SGCD: variants seen among roughly 807,000 people sequenced by gnomAD.
SGCD encodes the protein delta-sarcoglycan.
In SGCD, 18 loss-of-function variants were observed where a neutral mutation model predicts 36.6. That is an observed-to-expected ratio of 0.49 (90% CI 0.34 to 0.73). SGCD has a LOEUF of 0.73. SGCD is among the 30% of genes least tolerant of loss of function. The pLI is 0.01. For synonymous variants in SGCD, 133 were observed against 130.6 expected, an observed-to-expected ratio of 1.02 and a Z score of -0.12; for missense variants, 387 against 346.7, an observed-to-expected ratio of 1.12 and a Z score of -0.92.
intron 7 of SGCD, among the ~76,000 whole-genome samples, chr5:156,650,442 G>A (rs573415196): frequency 4.6e-4 from 70 of 152,164 alleles, no homozygotes; most frequent in Non-Finnish European, 7.8e-4. Context: ...CGTCACCCAG[G>A]TAGTAAGAGT....
rs554072957 is a variant in SGCD, at chr5:156,380,757, A to G, written c.192+36080A>G. ...AATCTCTCAAGATTTTTTTGTGTGAAGCAAGAGAATTGATATCAAGTGTGT... is the reference window on the plus strand; with the variant it reads ...AATCTCTCAAGATTTTTTTGTGTGAGGCAAGAGAATTGATATCAAGTGTGT... On this transcript the variant is annotated intron_variant, in intron 3 of 8. Coordinates refer to ENST00000337851, the MANE Select transcript of SGCD (RefSeq NM_000337.6). Among the ~76,000 whole-genome samples the G allele has an allele frequency of 3.0e-4, 46 of 152,314 alleles. No individual in the cohort carries two copies. In the South Asian group the frequency reaches 8.1e-3, roughly 27 times the overall value.
intron 4 of SGCD, among the ~76,000 whole-genome samples, chr5:156,553,291 A>G (rs1383198158): frequency 6.6e-6 from 1 of 152,196 alleles, no homozygotes; most frequent in African/African-American, 2.4e-5. Flanking sequence ...TTTAGAGGGA[A>G]CAAACATTCA....
At chr5:156,070,002 G>T (rs901348369) in intron 1 of SGCD, among the ~76,000 whole-genome samples, 2 of 152,000 alleles carry the variant, frequency 1.3e-5, no homozygotes, top group East Asian at 1.9e-4. Context: ...GTTTACCAAA[G>T]TTGCTTATCA....
the SGCD span, among the ~76,000 whole-genome samples, chr5:155,785,806 G>A: frequency 6.6e-6 from 1 of 152,162 alleles, no homozygotes; most frequent in Non-Finnish European, 1.5e-5. Context: ...TATATAAAGA[G>A]CAAGGTAAGT....
rs142933328 is a variant in SGCD at position 156,403,425 on chromosome 5, A to G, written c.192+58748A>G. On this transcript the variant is annotated intron_variant, in intron 3 of 8. Transcript: ENST00000337851. The stretch of plus-strand genomic sequence containing the variant: ...AGTTCTAATCTCAACTCTGCTCCAT[A>G]TTGTGTGGCAGCCCCAGGCAGGTAA... Among the ~76,000 whole-genome samples the G allele has an allele frequency of 4.0e-4, 61 of 152,172 alleles. 1 individual carries two copies. In the East Asian group the frequency reaches 0.011, roughly 28 times the overall value.
chr5:156,500,358 A>G (rs910864120), intron 3 of SGCD, among the ~76,000 whole-genome samples: 3 of 151,992 alleles, frequency 2.0e-5, no homozygotes, highest in African/African-American at 7.3e-5. Context: ...CAAAAATCCC[A>G]CCCCTCATGA....
At chr5:155,931,317 A>G (rs1251248664) in intron 1 of SGCD, among the ~76,000 whole-genome samples, 1 of 152,186 alleles carries the variant, frequency 6.6e-6, no homozygotes, top group Non-Finnish European at 1.5e-5. Context: ...AGTAGCAACC[A>G]TTGAAGTAAG....
chr5:156,205,431 G>A (rs371365158), intron 3 of SGCD, among the ~76,000 whole-genome samples: 1 of 152,188 alleles, frequency 6.6e-6, no homozygotes, highest in South Asian at 2.1e-4. Flanking sequence ...AATAGTAGAA[G>A]AGAAGCTTAG....
intron 3 of SGCD, among the ~76,000 whole-genome samples, chr5:156,162,698 GA>G (rs1763112107): frequency 6.6e-6 from 1 of 151,632 alleles, no homozygotes; most frequent in African/African-American, 2.4e-5. Context: ...TCCCTGCTCA[GA>G]AGATGGGAAG....
intron 4 of SGCD, among the ~76,000 whole-genome samples, chr5:156,530,538 G>C (rs1479300776): frequency 6.6e-6 from 1 of 151,542 alleles, no homozygotes; most frequent in East Asian, 1.9e-4. Context: ...GAAGTTCACC[G>C]CCATGCTTTA....
intron 6 of SGCD, among the ~76,000 whole-genome samples, chr5:156,618,710 C>T (rs1422354704): frequency 6.6e-6 from 1 of 152,046 alleles, no homozygotes; most frequent in East Asian, 1.9e-4. Flanking sequence ...TCGGTTTTCC[C>T]CTCGCAAGCT....
chr5:155,756,174 G>A, the SGCD span, among the ~76,000 whole-genome samples: 1 of 152,318 alleles, frequency 6.6e-6, no homozygotes, highest in South Asian at 2.1e-4. Flanking sequence ...AGTAGAGAAA[G>A]CTGATGTGAC....
intron 4 of SGCD, among the ~76,000 whole-genome samples, chr5:156,583,212 C>G (rs1038974552): frequency 6.6e-6 from 1 of 152,148 alleles, no homozygotes; most frequent in Non-Finnish European, 1.5e-5. Flanking sequence ...ACATCAGACT[C>G]CTAGGCATTT....
At chr5:155,873,640 C>T (rs1283927083) in intron 1 of SGCD, among the ~76,000 whole-genome samples, 3 of 152,128 alleles carry the variant, frequency 2.0e-5, no homozygotes, top group South Asian at 2.1e-4. Context: ...AGTGTATCCA[C>T]GTAACCAAAC....
intron 3 of SGCD, among the ~76,000 whole-genome samples, chr5:156,160,996 G>T (rs1392867853): frequency 6.6e-6 from 1 of 151,714 alleles, no homozygotes; most frequent in Non-Finnish European, 1.5e-5. Flanking sequence ...GAATGGCTGT[G>T]GTTGAGTTCC....
chr5:156,699,133 G>C (rs32088), intron 7 of SGCD, among the ~76,000 whole-genome samples: 139,830 of 152,264 alleles, frequency 0.92, 64,377 homozygotes, highest in East Asian at 0.99. Context: ...GTGAAAGAGA[G>C]TTAAGGATCA....
At chr5:156,540,947 C>A (rs1251395296) in intron 4 of SGCD, among the ~76,000 whole-genome samples, 1 of 152,018 alleles carries the variant, frequency 6.6e-6, no homozygotes, top group African/African-American at 2.4e-5. Context: ...AGAAGATAAA[C>A]AAGAAACAAG....
intron 1 of SGCD, among the ~76,000 whole-genome samples, chr5:156,086,741 T>C (rs1357865427): frequency 6.6e-6 from 1 of 152,176 alleles, no homozygotes; most frequent in African/African-American, 2.4e-5. Flanking sequence ...AGGGGGTACC[T>C]GGTGGAAGGA....
At chr5:155,874,887 A>T (rs1755734198) in intron 1 of SGCD, among the ~76,000 whole-genome samples, 1 of 152,150 alleles carries the variant, frequency 6.6e-6, no homozygotes, top group Non-Finnish European at 1.5e-5. Flanking sequence ...AAAATCACTT[A>T]TTATCCAACC....
Sources: allele counts gnomAD v4.1 joint callset (sites outside exome capture counted in the v4.1 genomes callset), GRCh38; gene constraint gnomAD v4.1.1; transcripts MANE v1.5; gene names NCBI Gene and HGNC (gene_info 2026-07-23, HGNC 2026-07-21).